EPC1: variants seen among roughly 807,000 people sequenced by gnomAD.
The protein encoded by EPC1 is enhancer of polycomb 1.
EPC1 carries 12 observed loss-of-function variants against 98.4 expected under a neutral mutation model. The observed-to-expected ratio is 0.12, with a 90% CI of 0.08 to 0.20. The LOEUF (loss-of-function observed/expected upper bound fraction) is 0.20. EPC1 is among the 10% of genes least tolerant of loss of function. The pLI is 1.00. For missense variants in EPC1, 729 were observed against 990.5 expected (o/e 0.74, Z 3.54); for synonymous variants, 357 against 363.9 (o/e 0.98, Z 0.21).
chr10:32,313,428 A>G (rs1477862139), intron 1 of EPC1, among the ~76,000 whole-genome samples: 2 of 152,236 alleles, frequency 1.3e-5, no homozygotes, highest in East Asian at 3.8e-4. Context: ...ATACTAATGA[A>G]ATCTAAAAAT....
chr10:32,280,952 T>C (rs191670252), intron 10 of EPC1, among the ~76,000 whole-genome samples: 1 of 152,260 alleles, frequency 6.6e-6, no homozygotes, highest in East Asian at 1.9e-4. Flanking sequence ...GACCTGATAC[T>C]ACAAGTGGAA....
At chr10:32,357,834 T>C (rs1472748371) in intron 1 of EPC1, among the ~76,000 whole-genome samples, 1 of 151,918 alleles carries the variant, frequency 6.6e-6, no homozygotes, top group Admixed American at 6.6e-5. Flanking sequence ...TATTCTGTTT[T>C]GTGGCCTTCT....
intron 1 of EPC1, among the ~76,000 whole-genome samples, chr10:32,373,258 G>C (rs1839800847): frequency 6.6e-6 from 1 of 152,134 alleles, no homozygotes; most frequent in African/African-American, 2.4e-5. Flanking sequence ...CTAATTTTGT[G>C]TGAAGATTTA....
intron 6 of EPC1, among the ~76,000 whole-genome samples, chr10:32,288,318 T>TC (rs1836804516): frequency 8.6e-6 from 1 of 115,858 alleles, no homozygotes; most frequent in African/African-American, 2.9e-5. Flanking sequence ...TTTTCTTTTT[T>TC]TTTTTTTTTT....
chr10:32,361,346 CA>C (rs1343957708), intron 1 of EPC1, among the ~76,000 whole-genome samples: 1 of 152,130 alleles, frequency 6.6e-6, no homozygotes, highest in Non-Finnish European at 1.5e-5. Context: ...CATACCACCC[CA>C]AAATATGACA....
In EPC1 at chr10:32,316,948, GATAAA is replaced by G. The variant is rs533090022; in HGVS notation, c.154-11022_154-11018del. Reference sequence around the variant, plus strand: ...TGAATGGAGAGATGAATACATGGGTGATAAAATAAATAATAACATGGAAGAATCTA... The same window carrying G: ...TGAATGGAGAGATGAATACATGGGTGATAAATAATAACATGGAAGAATCTA... On this transcript the variant is annotated intron_variant, in intron 1 of 13. Coordinates refer to ENST00000319778, the MANE Select transcript of EPC1 (RefSeq NM_001272004.3). Among the ~76,000 whole-genome samples, 6 of 152,340 alleles carry G rather than the reference GATAAA, an allele frequency of 3.9e-5. No individual in the cohort carries two copies. The South Asian group carries it at 1.0e-3, about 26-fold the overall frequency.
intron 6 of EPC1, among the ~76,000 whole-genome samples, chr10:32,287,863 G>T (rs1836772781): frequency 6.6e-6 from 1 of 152,082 alleles, no homozygotes; most frequent in Non-Finnish European, 1.5e-5. Flanking sequence ...AAAGGATAAA[G>T]ATATGAAATC....
In EPC1 at chr10:32,268,116, A is replaced by C. The variant is rs1835670687; in HGVS notation, c.*947T>G. 6.6e-6 allele frequency: 1 copy of C among 152,208 alleles called. No homozygotes were observed. Among genetic ancestry groups the C allele is most frequent in the African/African-American group, 2.4e-5 (1 of 41,464 alleles). 9.4% of individuals were successfully genotyped at this position (152,208 alleles called of 1,614,324 possible). ...GAACAAGTAAAGAATGAAGTCTTTT[A>C]AACAATTCGACAATAAAAAAGTACA... On this transcript the variant is annotated 3_prime_UTR_variant, in exon 14 of 14. Coordinates refer to ENST00000319778, the MANE Select transcript of EPC1 (RefSeq NM_001272004.3).
chr10:32,327,017 AATC>A (rs1564548775), intron 1 of EPC1, among the ~76,000 whole-genome samples: 1 of 35,310 alleles, frequency 2.8e-5, no homozygotes, highest in Non-Finnish European at 1.5e-4. Flanking sequence ...AAAAAAAAAA[AATC>A]AATGTAAATT....
In EPC1 at chr10:32,346,977, G is replaced by T. The variant is rs1166735634; in HGVS notation, c.-62C>A. The T allele has an allele frequency of 4.4e-6, 7 of 1,592,644 alleles. No homozygotes were observed. The highest frequency in any genetic ancestry group is 6.0e-6 in the Non-Finnish European group (7 of 1,174,558). On this transcript the variant is annotated 5_prime_UTR_variant, in exon 1 of 14. Coordinates refer to ENST00000319778, the MANE Select transcript of EPC1 (RefSeq NM_001272004.3). The stretch of plus-strand genomic sequence containing the variant: ...CGGCCCCGGCCAGCGGGATCATGGA[G>T]AACCGGGGGTTCGGTCCCCACTCGC...
chr10:32,357,851 A>ATTTTT (rs58968767), intron 1 of EPC1, among the ~76,000 whole-genome samples: 7 of 124,602 alleles, frequency 5.6e-5, no homozygotes, highest in South Asian at 2.4e-4. Context: ...TTCTCAATAA[A>ATTTTT]TTTTTTTTTT....
At chr10:32,357,750 A>G (rs561016309) in intron 1 of EPC1, among the ~76,000 whole-genome samples, 8 of 151,916 alleles carry the variant, frequency 5.3e-5, no homozygotes, top group African/African-American at 1.9e-4. Context: ...GTGATTCACC[A>G]TGCCTGGCCC....
Position 32,269,001 on chromosome 10 carries a change from AAAATGCTACTG to A in EPC1, c.*51_*61del. ...CTGCTTTCCATCATCCCTTGCATTC[AAAATGCTACTG>A]ATGCATAGCACCTAATCAAGTCCCC... On this transcript the variant is annotated 3_prime_UTR_variant, in exon 14 of 14. Coordinates refer to ENST00000319778, the MANE Select transcript of EPC1 (RefSeq NM_001272004.3). 1 of 1,413,178 alleles carries A rather than the reference AAAATGCTACTG, an allele frequency of 7.1e-7. No individual in the cohort carries two copies. Among genetic ancestry groups the A allele is most frequent in the South Asian group, 1.2e-5 (1 of 83,134 alleles). 87.5% of individuals were successfully genotyped at this position (1,413,178 alleles called of 1,614,324 possible).
chr10:32,349,393 TCA>T (rs776609390), upstream of EPC1, among the ~76,000 whole-genome samples: 3 of 152,176 alleles, frequency 2.0e-5, no homozygotes, highest in Non-Finnish European at 4.4e-5. Context: ...CGTGGCAAAT[TCA>T]CAGATAAGCT....
intron 2 of EPC1, among the ~76,000 whole-genome samples, chr10:32,296,032 T>G (rs1169917377): frequency 1.3e-5 from 2 of 151,808 alleles, no homozygotes; most frequent in Non-Finnish European, 2.9e-5. Flanking sequence ...CAAGCGATTC[T>G]CCTGCCTCAG....
At position 32,273,015 on chromosome 10, in the gene EPC1, T is replaced by A. The variant is rs201906815; in HGVS notation, c.1863+148A>T. ...AGAGGCAACAGCTTCCATACTCACC[T>A]GTAGTGTTCTTTCTAAACCCTGTAT... On this transcript the variant is annotated intron_variant, in intron 11 of 13. Coordinates refer to ENST00000319778, the MANE Select transcript of EPC1 (RefSeq NM_001272004.3). 6 of 1,613,852 alleles carry A rather than the reference T, an allele frequency of 3.7e-6. No individual in the cohort carries two copies. In the Admixed American group the frequency reaches 8.3e-5, roughly 22 times the overall value.
At chr10:32,375,297 C>T (rs1839848920) in intron 1 of EPC1, among the ~76,000 whole-genome samples, 1 of 151,992 alleles carries the variant, frequency 6.6e-6, no homozygotes, top group South Asian at 2.1e-4. Flanking sequence ...TTAGCCCTGG[C>T]TAATATTTTT....
At chr10:32,347,997 A>T (rs968543256), upstream of EPC1, among the ~76,000 whole-genome samples, 1 of 152,206 alleles carries the variant, frequency 6.6e-6, no homozygotes, top group African/African-American at 2.4e-5. Context: ...CCACTATAAC[A>T]TTTAAAAGCA....
chr10:32,286,747 G>T lies in EPC1; in HGVS notation c.1338C>A (p.Thr446=). The stretch of plus-strand genomic sequence containing the variant: ...CAAATCCAATACACCTTTGGGGTAC[G>T]GTGAGAGTAGTTAAGCAGTATCTAT... The part of the protein sequence containing the change: ...VRYRYCLTTL[T]VPQRCIGFAR... The change falls in exon 9 of 14, where the codon ACC becomes ACA. Residue 446 remains threonine (T), a synonymous_variant. Coordinates refer to ENST00000319778, the MANE Select transcript of EPC1 (RefSeq NM_001272004.3). The T allele has an allele frequency of 6.2e-7, 1 of 1,613,986 alleles. No homozygotes were observed. Among genetic ancestry groups the T allele is most frequent in the Non-Finnish European group, 8.5e-7 (1 of 1,180,008 alleles).
Sources: gnomAD v4.1 joint callset for allele counts (sites outside exome capture counted in the v4.1 genomes callset) on GRCh38, gnomAD v4.1.1 for gene constraint, MANE v1.5 for transcripts, NCBI Gene and HGNC (gene_info 2026-07-23, HGNC 2026-07-21) for gene names.